ARHGAP15: variants seen among roughly 807,000 people sequenced by gnomAD.
ARHGAP15 encodes Rho GTPase activating protein 15, also known as rho GTPase-activating protein 15.
In ARHGAP15, 51 loss-of-function variants were observed where a neutral mutation model predicts 63.7. The ratio of observed to expected loss-of-function variants is 0.80; its 90% confidence interval spans 0.64 to 1.01. The LOEUF is 1.01. Among genes scored for constraint, ARHGAP15 ranks in the 50% least tolerant of loss-of-function variants. The probability of loss-of-function intolerance (pLI) is 0.00; values close to 1 mark genes in which losing one functional copy is unlikely to be tolerated. For missense variants in ARHGAP15, 560 were observed against 564.6 expected, an observed-to-expected ratio of 0.99 and a Z score of 0.08; for synonymous variants, 191 against 193.8, an observed-to-expected ratio of 0.99 and a Z score of 0.12.
chr2:143,220,833 A>G (rs1692965193), intron 4 of ARHGAP15, among the ~76,000 whole-genome samples: 1 of 151,850 alleles, frequency 6.6e-6, no homozygotes, highest in African/African-American at 2.4e-5. Context: ...AGCAATATTA[A>G]TAGATGCTTA....
At chr2:143,571,228 A>G (rs1696441951) in intron 11 of ARHGAP15, among the ~76,000 whole-genome samples, 2 of 152,224 alleles carry the variant, frequency 1.3e-5, no homozygotes. Context: ...GCATGTAACA[A>G]TAATAGAAAT....
chr2:143,340,345 G>A (rs755833805), intron 6 of ARHGAP15, among the ~76,000 whole-genome samples: 1 of 152,108 alleles, frequency 6.6e-6, no homozygotes, highest in Non-Finnish European at 1.5e-5. Context: ...TGTTTTATGG[G>A]ATAGTGTTGA....
At chr2:143,694,308 C>A (rs1432279649) in intron 12 of ARHGAP15, among the ~76,000 whole-genome samples, 2 of 152,132 alleles carry the variant, frequency 1.3e-5, no homozygotes, top group African/African-American at 2.4e-5. Context: ...AAGGTATCTA[C>A]AACATACAAT....
At chr2:143,188,164 T>A (rs879937233) in intron 2 of ARHGAP15, among the ~76,000 whole-genome samples, 3 of 152,136 alleles carry the variant, frequency 2.0e-5, no homozygotes, top group Admixed American at 1.3e-4. Context: ...TAGTTTAATA[T>A]CTCATTTACA....
intron 6 of ARHGAP15, among the ~76,000 whole-genome samples, chr2:143,369,831 T>C (rs2105354115): frequency 6.6e-6 from 1 of 152,274 alleles, no homozygotes; most frequent in South Asian, 2.1e-4. Flanking sequence ...CCTCCTACTT[T>C]TTCTTCCTCC....
intron 12 of ARHGAP15, among the ~76,000 whole-genome samples, chr2:143,644,838 G>C (rs749677909): frequency 6.6e-6 from 1 of 152,034 alleles, no homozygotes; most frequent in African/African-American, 2.4e-5. Flanking sequence ...TGTCTCGATG[G>C]TTCTTGATAA....
chr2:143,443,289 A>T (rs1341396728), intron 8 of ARHGAP15, among the ~76,000 whole-genome samples: 1 of 152,206 alleles, frequency 6.6e-6, no homozygotes, highest in Admixed American at 6.5e-5. Flanking sequence ...AATTGCACAG[A>T]TAAACCATAT....
intron 6 of ARHGAP15, among the ~76,000 whole-genome samples, chr2:143,350,244 T>C (rs1347883549): frequency 1.3e-5 from 2 of 152,188 alleles, no homozygotes; most frequent in Non-Finnish European, 2.9e-5. Flanking sequence ...TATCTTTGAT[T>C]CACTGATACT....
At chr2:143,628,392 T>C (rs541107254) in intron 12 of ARHGAP15, among the ~76,000 whole-genome samples, 1 of 152,304 alleles carries the variant, frequency 6.6e-6, no homozygotes, top group South Asian at 2.1e-4. Context: ...GTTAAGTTAT[T>C]TGAGAAATCT....
chr2:143,647,375 AAG>A (rs1285039783), intron 12 of ARHGAP15, among the ~76,000 whole-genome samples: 3 of 147,872 alleles, frequency 2.0e-5, no homozygotes, highest in South Asian at 2.1e-4. Flanking sequence ...AAAAAAAAAA[AAG>A]AACATAAAAA....
At chr2:143,263,847 G>A (rs62170380) in intron 6 of ARHGAP15, among the ~76,000 whole-genome samples, 3,900 of 147,378 alleles carry the variant, frequency 0.026, 116 homozygotes, top group Non-Finnish European at 0.034. Context: ...TCCTGTGGGA[G>A]GATTTCTCTT....
chr2:143,616,140 T>A (rs542386541), intron 11 of ARHGAP15, among the ~76,000 whole-genome samples: 1 of 152,296 alleles, frequency 6.6e-6, no homozygotes, highest in African/African-American at 2.4e-5. Context: ...GAGAGCAGCA[T>A]AATGTCACTA....
intron 13 of ARHGAP15, among the ~76,000 whole-genome samples, chr2:143,720,798 G>A (rs1017929254): frequency 2.0e-5 from 3 of 152,064 alleles, no homozygotes; most frequent in African/African-American, 7.2e-5. Context: ...GGTCGGGCAC[G>A]GTGGCTCACG....
chr2:143,241,001 C>T (rs1346603906), intron 5 of ARHGAP15, among the ~76,000 whole-genome samples: 1 of 152,080 alleles, frequency 6.6e-6, no homozygotes, highest in African/African-American at 2.4e-5. Flanking sequence ...TCACCTTAGG[C>T]TCTCTCAGAA....
intron 12 of ARHGAP15, among the ~76,000 whole-genome samples, chr2:143,643,644 G>A (rs1574759697): frequency 2.6e-5 from 4 of 151,948 alleles, no homozygotes; most frequent in South Asian, 2.1e-4. Context: ...GCATCTAGTA[G>A]CTTGGTTACA....
chr2:143,587,463 G>T (rs1697151964), intron 11 of ARHGAP15, among the ~76,000 whole-genome samples: 1 of 152,088 alleles, frequency 6.6e-6, no homozygotes, highest in Admixed American at 6.6e-5. Context: ...CTTTTCACTA[G>T]AAATAATCTA....
At chr2:143,202,418 A>G (rs1435045732) in intron 3 of ARHGAP15, among the ~76,000 whole-genome samples, 1 of 152,104 alleles carries the variant, frequency 6.6e-6, no homozygotes, top group African/African-American at 2.4e-5. Flanking sequence ...TGACTGGGGA[A>G]GGTCTGCTTT....
At chr2:143,235,676 T>C (rs1693614624) in intron 5 of ARHGAP15, among the ~76,000 whole-genome samples, 1 of 152,214 alleles carries the variant, frequency 6.6e-6, no homozygotes, top group African/African-American at 2.4e-5. Flanking sequence ...GAGAGGATGC[T>C]CCTTCTTCGA....
At chr2:143,574,585 C>G (rs553976459) in intron 11 of ARHGAP15, among the ~76,000 whole-genome samples, 3 of 152,182 alleles carry the variant, frequency 2.0e-5, no homozygotes, top group Admixed American at 2.0e-4. Flanking sequence ...AACAGTTGTT[C>G]GAATCCTCTC....
Sources: gnomAD v4.1 joint callset for allele counts (sites outside exome capture counted in the v4.1 genomes callset) on GRCh38, gnomAD v4.1.1 for gene constraint, MANE v1.5 for transcripts, NCBI Gene and HGNC (gene_info 2026-07-23, HGNC 2026-07-21) for gene names.